CSMD1: variants seen among roughly 807,000 people sequenced by gnomAD.
CSMD1 encodes CUB and Sushi multiple domains 1.
Under a neutral mutation model 417.5 loss-of-function variants are expected in CSMD1, and 213 were observed. That is an observed-to-expected ratio of 0.51 (90% CI 0.46 to 0.57). CSMD1 has a LOEUF of 0.57. Among genes scored for constraint, CSMD1 ranks in the 20% least tolerant of loss-of-function variants. The pLI is 0.00. For missense variants in CSMD1, 6,923 were observed against 4,529.7 expected, an observed-to-expected ratio of 1.53 and a Z score of -15.17; for synonymous variants, 2,862 against 1,736.8, an observed-to-expected ratio of 1.65 and a Z score of -16.11.
At chr8:4,425,497 C>G (rs547853599) in intron 2 of CSMD1, among the ~76,000 whole-genome samples, 2 of 151,936 alleles carry the variant, frequency 1.3e-5, no homozygotes, top group Admixed American at 6.6e-5. Context: ...ATGTTTATAG[C>G]CATTTACTCC....
intron 10 of CSMD1, among the ~76,000 whole-genome samples, chr8:3,555,002 A>T (rs1036832339): frequency 2.6e-5 from 4 of 152,084 alleles, no homozygotes; most frequent in African/African-American, 9.7e-5. Context: ...ACACCACATA[A>T]GCTGAGGAGG....
intron 26 of CSMD1, among the ~76,000 whole-genome samples, chr8:3,283,226 A>G (rs143600867): frequency 6.6e-6 from 1 of 152,108 alleles, no homozygotes; most frequent in Non-Finnish European, 1.5e-5. Context: ...GGAAGTTGCA[A>G]GCAGAGAATC....
At chr8:4,620,522 T>C (rs1801715176) in intron 2 of CSMD1, among the ~76,000 whole-genome samples, 1 of 151,678 alleles carries the variant, frequency 6.6e-6, no homozygotes. Context: ...AAGGAAAACA[T>C]GTTTCAAGAA....
intron 1 of CSMD1, among the ~76,000 whole-genome samples, chr8:4,990,804 C>G (rs1246223201): frequency 1.3e-5 from 2 of 152,140 alleles, no homozygotes; most frequent in African/African-American, 4.8e-5. Context: ...TCTTAGCATA[C>G]TTCTTGGTGG....
At position 3,439,038 on chromosome 8, in the gene CSMD1, G is replaced by C. The variant is rs572130876; in HGVS notation, c.1562-29433C>G. ...CCAGGAGGCTGAGGCAGGGAGAATT[G>C]CTTCAATCTGGGAGGTGGAGGTTGC... On this transcript the variant is annotated intron_variant, in intron 12 of 69. Transcript: ENST00000635120. 1.9e-4 allele frequency among the ~76,000 whole-genome samples: 25 copies of C among 131,766 alleles called. No homozygotes were observed. In the East Asian group the frequency reaches 5.2e-3, roughly 28 times the overall value. 86.4% of individuals were successfully genotyped at this position (131,766 alleles called of 152,430 possible). A position where few individuals can be genotyped will look rare whatever the true frequency, so the allele number is the denominator to read the frequency against.
At chr8:2,942,665 T>G in intron 68 of CSMD1, 61 bp from the exon 69 acceptor site, 1 of 1,311,396 alleles carries the variant, frequency 7.6e-7, no homozygotes, top group Non-Finnish European at 1.0e-6. Context: ...CAAATACATA[T>G]GATAAATTTT....
intron 10 of CSMD1, among the ~76,000 whole-genome samples, chr8:3,558,126 C>CTGGTGT (rs1563151666): frequency 2.7e-5 from 4 of 150,512 alleles, no homozygotes; most frequent in Non-Finnish European, 5.9e-5. Context: ...TCAATGGTAC[C>CTGGTGT]CCGTGTCCAC....
chr8:3,310,769 G>C (rs553233186), intron 23 of CSMD1, among the ~76,000 whole-genome samples: 74 of 150,678 alleles, frequency 4.9e-4, no homozygotes, highest in African/African-American at 1.6e-3. Context: ...GAATGGCAGC[G>C]GGGCCAGGAA....
At chr8:3,130,117 G>A (rs997501623) in intron 41 of CSMD1, among the ~76,000 whole-genome samples, 1 of 152,092 alleles carries the variant, frequency 6.6e-6, no homozygotes. Flanking sequence ...ATATAATTAT[G>A]TTCTATTTTT....
intron 54 of CSMD1, among the ~76,000 whole-genome samples, chr8:2,989,110 G>C (rs1806168756): frequency 6.6e-6 from 1 of 152,168 alleles, no homozygotes; most frequent in Non-Finnish European, 1.5e-5. Context: ...CAACTCTTGT[G>C]AGAATATTTT....
At chr8:4,579,687 C>A (rs1472662126) in intron 2 of CSMD1, among the ~76,000 whole-genome samples, 1 of 152,038 alleles carries the variant, frequency 6.6e-6, no homozygotes, top group African/African-American at 2.4e-5. Context: ...AAGGATACTT[C>A]TGAAGCAAAA....
At chr8:3,494,097 C>G (rs966697071) in intron 10 of CSMD1, among the ~76,000 whole-genome samples, 1 of 152,024 alleles carries the variant, frequency 6.6e-6, no homozygotes, top group Non-Finnish European at 1.5e-5. Context: ...ATATTTTTAC[C>G]ATATCCAGAA....
intron 5 of CSMD1, among the ~76,000 whole-genome samples, chr8:3,766,899 C>G (rs1163096146): frequency 6.6e-6 from 1 of 152,120 alleles, no homozygotes; most frequent in East Asian, 1.9e-4. Context: ...CTGACGCAGA[C>G]CTTGTTCAGT....
intron 2 of CSMD1, among the ~76,000 whole-genome samples, chr8:4,452,744 A>G (rs911480244): frequency 3.9e-5 from 6 of 152,164 alleles, no homozygotes; most frequent in Non-Finnish European, 8.8e-5. Context: ...CAGGTTATTC[A>G]TCTTTCAACA....
chr8:4,256,066 G>C (rs1258720934), intron 3 of CSMD1, among the ~76,000 whole-genome samples: 1 of 152,206 alleles, frequency 6.6e-6, no homozygotes, highest in Admixed American at 6.5e-5. Flanking sequence ...CATATTTCCT[G>C]TAAGTTGTAG....
intron 3 of CSMD1, among the ~76,000 whole-genome samples, chr8:4,110,725 C>G (rs1801808059): frequency 1.3e-5 from 2 of 151,982 alleles, no homozygotes; most frequent in South Asian, 2.1e-4. Flanking sequence ...TCCCCTTTCT[C>G]ATGCTCTCAA....
chr8:3,645,208 C>A (rs1797517376), intron 7 of CSMD1, among the ~76,000 whole-genome samples: 2 of 152,206 alleles, frequency 1.3e-5, no homozygotes, highest in South Asian at 2.1e-4. Context: ...TGCAAGAAAC[C>A]AATGCACAGT....
chr8:3,741,717 C>A (rs114346568), intron 6 of CSMD1, among the ~76,000 whole-genome samples: 1 of 151,972 alleles, frequency 6.6e-6, no homozygotes, highest in African/African-American at 2.4e-5. Context: ...TCTCTGAGTG[C>A]GCATTCTTAC....
At chr8:4,097,353 G>A (rs1801068780) in intron 3 of CSMD1, among the ~76,000 whole-genome samples, 1 of 152,170 alleles carries the variant, frequency 6.6e-6, no homozygotes, top group African/African-American at 2.4e-5. Context: ...TATAAAATGT[G>A]TAAAAGAAGA....
Sources: allele counts gnomAD v4.1 joint callset (sites outside exome capture counted in the v4.1 genomes callset), GRCh38; gene constraint gnomAD v4.1.1; transcripts MANE v1.5; gene names NCBI Gene and HGNC (gene_info 2026-07-23, HGNC 2026-07-21).